Variants in ASIC1 observed in about 807,000 individuals in gnomAD.
ASIC1 encodes acid sensing ion channel subunit 1.
ASIC1 carries 21 observed loss-of-function variants against 63.4 expected under a neutral mutation model. The observed-to-expected ratio is 0.33, with a 90% CI of 0.23 to 0.48. The LOEUF (loss-of-function observed/expected upper bound fraction) is 0.48. Among genes scored for constraint, ASIC1 ranks in the 20% least tolerant of loss-of-function variants. The probability of loss-of-function intolerance (pLI) is 0.99; values close to 1 mark genes in which losing one functional copy is unlikely to be tolerated. For synonymous variants in ASIC1, 258 were observed against 278.2 expected (o/e 0.93, Z 0.72); for missense variants, 478 against 695.5 (o/e 0.69, Z 3.52).
Position 50,058,792 on chromosome 12 carries a change from A to AGGT in ASIC1, c.29_31dup (p.Val10dup). The AGGT allele has an allele frequency of 6.3e-7, 1 of 1,591,654 alleles. No individual in the cohort carries two copies. The highest frequency in any genetic ancestry group is 2.2e-5 in the East Asian group (1 of 44,518). On this transcript the variant is annotated inframe_insertion, in exon 2 of 12. Coordinates refer to ENST00000447966, the MANE Select transcript of ASIC1 (RefSeq NM_001095.4). ...ATGGAACTGAAGGCCGAGGAGGAGG[A>AGGT]GGTGGGTGGCGTCCAGCCGGTGAGC...
chr12:50,059,786 A>G lies in ASIC1; in HGVS notation c.390A>G (p.Ala130=). Residue 130 remains alanine, a synonymous_variant, in exon 3 of 12, where the codon GCA becomes GCG. Transcript: ENST00000447966. This position sits in a 1 kb window ranked among gnomAD's most constrained non-coding sequence, Gnocchi z 4.6. Reference sequence around the variant, plus strand: ...ATGAGATACCAGACACACAGATGGCAGATGAAAAGCAGCTGGAGATACTGC... The same window carrying G: ...ATGAGATACCAGACACACAGATGGCGGATGAAAAGCAGCTGGAGATACTGC... ...NRYEIPDTQM[A]DEKQLEILQD... 1 of 1,613,940 alleles carries G rather than the reference A, an allele frequency of 6.2e-7. No homozygotes were observed. The highest frequency in any genetic ancestry group is 1.7e-5 in the Admixed American group (1 of 59,988).
chr12:50,077,447 C>T (rs922470766), intron 4 of ASIC1, 84 bp downstream of exon 4: 36 of 1,565,996 alleles, frequency 2.3e-5, no homozygotes, highest in Non-Finnish European at 3.0e-5. Flanking sequence ...ACTGTGAGAC[C>T]TGGGCAGGGC....
In ASIC1 at chr12:50,078,678, C is replaced by T; in HGVS notation, c.994+101C>T. 6.6e-7 allele frequency: 1 copy of T among 1,521,342 alleles called. No individual in the cohort carries two copies. The highest frequency in any genetic ancestry group is 9.0e-7 in the Non-Finnish European group (1 of 1,114,138). 94.2% of individuals were successfully genotyped at this position (1,521,342 alleles called of 1,614,324 possible). A position where few individuals can be genotyped will look rare whatever the true frequency, so the allele number is the denominator to read the frequency against. On this transcript the variant is annotated intron_variant, in intron 6 of 11. Transcript: ENST00000447966. This position sits in a 1 kb window ranked among gnomAD's most constrained non-coding sequence, Gnocchi z 6.0. ...CAATCTCCCAACCCCAGTTCCAGCC[C>T]ACCCCATCCCACACCCACCTGGCTC...
Position 50,068,455 on chromosome 12 carries a change from C to T in ASIC1, c.558+8501C>T, listed in dbSNP as rs1282995381. Among the ~76,000 whole-genome samples the T allele has an allele frequency of 2.0e-5, 3 of 152,042 alleles. No individual in the cohort carries two copies. In the East Asian group the frequency reaches 5.8e-4, roughly 29 times the overall value. Reference sequence around the variant, plus strand: ...TTTAGTGGATACTGCCAAATCAGACCTTTTTTTCTATCTTTTTTTTAAACT... The same window carrying T: ...TTTAGTGGATACTGCCAAATCAGACTTTTTTTTCTATCTTTTTTTTAAACT... On this transcript the variant is annotated intron_variant, in intron 3 of 11. Coordinates refer to ENST00000447966, the MANE Select transcript of ASIC1 (RefSeq NM_001095.4).
chr12:50,083,615 C>A (rs1950744690), downstream of ASIC1: 1 of 152,680 alleles, frequency 6.5e-6, no homozygotes, highest in African/African-American at 2.4e-5. Flanking sequence ...TCAACCATCT[C>A]CTCTTCAGTG....
At chr12:50,073,927 C>T in intron 3 of ASIC1, 1 of 1,535,894 alleles carries the variant, frequency 6.5e-7, no homozygotes, top group Non-Finnish European at 8.7e-7. Flanking sequence ...TGCTTATTAC[C>T]TCAGCTACCC....
chr12:50,070,056 G>A (rs907449084), intron 3 of ASIC1, among the ~76,000 whole-genome samples: 11 of 152,170 alleles, frequency 7.2e-5, no homozygotes, highest in Admixed American at 2.0e-4. Context: ...ACACAGACAT[G>A]AGGGGTGGCT....
In ASIC1 at chr12:50,077,208, G is replaced by T. The variant is rs1035848222; in HGVS notation, c.559-5G>T. The T allele has an allele frequency of 1.2e-6, 2 of 1,605,956 alleles. No individual in the cohort carries two copies. The highest frequency in any genetic ancestry group is 1.7e-5 in the Admixed American group (1 of 59,588). ...CTCTTAGGCTCTCCACTCTGCCCTC[G>T]CCAGGTCTTCACACGCTATGGAAAG... On this transcript the variant is annotated splice_region_variant and splice_polypyrimidine_tract_variant and intron_variant, in intron 3 of 11. Transcript: ENST00000447966.
In ASIC1 at chr12:50,059,755, C is replaced by T. The variant is rs1037480317; in HGVS notation, c.363-4C>T. The T allele has an allele frequency of 6.2e-7, 1 of 1,612,212 alleles. No homozygotes were observed. Among genetic ancestry groups the T allele is most frequent in the Non-Finnish European group, 8.5e-7 (1 of 1,179,072 alleles). Reference sequence around the variant, plus strand: ...CCCGTGTGTCACTCACCCCCGGACCCCAGGTATGAGATACCAGACACACAG... The same window carrying T: ...CCCGTGTGTCACTCACCCCCGGACCTCAGGTATGAGATACCAGACACACAG... On this transcript the variant is annotated splice_region_variant and splice_polypyrimidine_tract_variant and intron_variant, in intron 2 of 11. Coordinates refer to ENST00000447966, the MANE Select transcript of ASIC1 (RefSeq NM_001095.4). This position sits in a 1 kb window ranked among gnomAD's most constrained non-coding sequence, Gnocchi z 4.6.
intron 3 of ASIC1, among the ~76,000 whole-genome samples, chr12:50,067,678 C>T (rs1592270203): frequency 4.6e-5 from 7 of 152,300 alleles, no homozygotes; most frequent in Admixed American, 3.9e-4. Context: ...CTCGGCCTCC[C>T]GGAGTGCTGG....
At chr12:50,079,695 G>T (rs931622903) in intron 7 of ASIC1, among the ~76,000 whole-genome samples, 2 of 152,154 alleles carry the variant, frequency 1.3e-5, no homozygotes, top group African/African-American at 2.4e-5. Flanking sequence ...GGCCTGCAGG[G>T]TTCAGCAGGT....
intron 7 of ASIC1, 121 bp downstream of exon 7, chr12:50,079,101 C>G: frequency 1.0e-6 from 1 of 960,498 alleles, no homozygotes; most frequent in Non-Finnish European, 1.6e-6. Context: ...GCTGCACCCT[C>G]TCTTGTGTCT....
At chr12:50,066,877 A>G (rs569580398) in intron 3 of ASIC1, among the ~76,000 whole-genome samples, 22 of 152,314 alleles carry the variant, frequency 1.4e-4, no homozygotes, top group Admixed American at 1.3e-3. Context: ...CATTCATCTT[A>G]TCTAGGATAA....
At chr12:50,070,391 T>TGTGTGTGTGTTGGGGC (rs1304483789) in intron 3 of ASIC1, among the ~76,000 whole-genome samples, 4 of 150,648 alleles carry the variant, frequency 2.7e-5, no homozygotes, top group Non-Finnish European at 4.4e-5. Flanking sequence ...CGTGTTGGGG[T>TGTGTGTGTGTTGGGGC]GTGTGTGTGT....
intron 1 of ASIC1, 78 bp from the exon 2 acceptor site, chr12:50,058,673 G>A: frequency 6.7e-7 from 1 of 1,491,418 alleles, no homozygotes; most frequent in Non-Finnish European, 8.9e-7. Context: ...TGAGGATTCT[G>A]GATGGGCACA....
intron 1 of ASIC1, 150 bp downstream of exon 1, chr12:50,058,066 G>T (rs2137802513): frequency 6.6e-6 from 1 of 152,226 alleles, no homozygotes; most frequent in East Asian, 1.9e-4. Context: ...ACTGCGACGA[G>T]AAGCTGGACT....
Position 50,078,352 on chromosome 12 carries a change from A to AGAGGAGTCCATCAAGCTGATTTGGG in ASIC1, c.838-65_838-41dup. The AGAGGAGTCCATCAAGCTGATTTGGG allele has an allele frequency of 1.9e-6, 3 of 1,589,786 alleles. No homozygotes were observed. The African/African-American group carries it at 4.0e-5, about 21-fold the overall frequency. On this transcript the variant is annotated intron_variant, in intron 5 of 11. Transcript: ENST00000447966. This position sits in a 1 kb window ranked among gnomAD's most constrained non-coding sequence, Gnocchi z 6.0. ...GAACTCCAGAGATCTGCATCTTGTC[A>AGAGGAGTCCATCAAGCTGATTTGGG]GAGGAGTCCATCAAGCTGATTTGGG...
intron 3 of ASIC1, among the ~76,000 whole-genome samples, chr12:50,061,460 G>C (rs1395037520): frequency 1.1e-4 from 17 of 152,160 alleles, no homozygotes; most frequent in Admixed American, 1.1e-3. Context: ...GAGAGTCCTG[G>C]ATTCCCCAGA....
In ASIC1 at chr12:50,075,585, C is replaced by T. The variant is rs192255691; in HGVS notation, c.559-1628C>T. On this transcript the variant is annotated intron_variant, in intron 3 of 11. Transcript: ENST00000447966. ...TTGCCTCATCTCTGGACCTCACCCACAAAGTGGGGAGAGCAGTATGTCTCC... is the reference window on the plus strand; with the variant it reads ...TTGCCTCATCTCTGGACCTCACCCATAAAGTGGGGAGAGCAGTATGTCTCC... Among the ~76,000 whole-genome samples the T allele has an allele frequency of 2.6e-5, 4 of 152,318 alleles. No individual in the cohort carries two copies. In the East Asian group the frequency reaches 5.8e-4, roughly 22 times the overall value.
Sources: allele counts gnomAD v4.1 joint callset (sites outside exome capture counted in the v4.1 genomes callset), GRCh38; gene constraint gnomAD v4.1.1; non-coding constraint Gnocchi (gnomAD v3.1); transcripts MANE v1.5; gene names NCBI Gene and HGNC (gene_info 2026-07-23, HGNC 2026-07-21).